SLC45A1: variants seen among roughly 807,000 people sequenced by gnomAD.
SLC45A1 encodes the protein solute carrier family 45 member 1.
A neutral mutation model predicts 57.6 loss-of-function variants in SLC45A1; 28 were observed. That is an observed-to-expected ratio of 0.49 (90% CI 0.36 to 0.67). SLC45A1 has a LOEUF of 0.67. SLC45A1 is among the 30% of genes least tolerant of loss of function. The probability of loss-of-function intolerance (pLI) is 0.00; values close to 1 mark genes in which losing one functional copy is unlikely to be tolerated. For synonymous variants in SLC45A1, 459 were observed against 471.5 expected (o/e 0.97, Z 0.34); for missense variants, 814 against 1,041.5 (o/e 0.78, Z 3.01).
chr1:8,326,681 A>G lies in SLC45A1; in HGVS notation c.715+639A>G, dbSNP rs1442728329. On this transcript the variant is annotated intron_variant, in intron 4 of 8. Coordinates refer to ENST00000471889, the MANE Select transcript of SLC45A1 (RefSeq NM_001080397.3). This position sits in a 1 kb window ranked among gnomAD's most constrained non-coding sequence, Gnocchi z 5.5. ...AAAGGTGGCACTAAATAGACCACAC[A>G]AAAAACTCTTGTTTCGGCCAGGCAC... 6.6e-6 allele frequency among the ~76,000 whole-genome samples: 1 copy of G among 152,228 alleles called. No individual in the cohort carries two copies.
chr1:8,340,904 G>C (rs967965209), intron 8 of SLC45A1, among the ~76,000 whole-genome samples: 6 of 152,082 alleles, frequency 3.9e-5, no homozygotes, highest in African/African-American at 1.4e-4. Context: ...TTAAGAGTAA[G>C]AGAGGGGTCC....
chr1:8,328,994 G>A lies in SLC45A1; in HGVS notation c.716-1215G>A, dbSNP rs1280946236. Among the ~76,000 whole-genome samples, 2 of 152,196 alleles carry A rather than the reference G, an allele frequency of 1.3e-5. No individual in the cohort carries two copies. Among genetic ancestry groups the A allele is most frequent in the Non-Finnish European group, 2.9e-5 (2 of 68,034 alleles). ...GAATAATAAAATGCCTGGGAGGGCA[G>A]TGGGGAGGCAAAAAGACTCCCAAGT... On this transcript the variant is annotated intron_variant, in intron 4 of 8. Coordinates refer to ENST00000471889, the MANE Select transcript of SLC45A1 (RefSeq NM_001080397.3). The surrounding 1 kb of genome is among the most constrained non-coding windows in gnomAD (Gnocchi z 4.6).
Position 8,324,497 on chromosome 1 carries a change from T to C in SLC45A1, c.168T>C (p.Ile56=). 1.9e-6 allele frequency: 3 copies of C among 1,612,218 alleles called. No homozygotes were observed. Among genetic ancestry groups the C allele is most frequent in the Non-Finnish European group, 2.5e-6 (3 of 1,179,720 alleles). ...GACACCCCAAGAGGAGGAAGTGCAT[T>C]CGTCCCTCCCCACCCCCGCCCCCCA... ...FKRHPKRRKC[I]RPSPPPPPNT... is the part of the protein sequence containing the mutation. The change falls in exon 2 of 9, where the codon ATT becomes ATC. Residue 56 remains isoleucine, a synonymous_variant. Transcript: ENST00000471889.
chr1:8,323,866 GT>G (rs1640110087), intron 1 of SLC45A1, among the ~76,000 whole-genome samples: 1 of 152,186 alleles, frequency 6.6e-6, no homozygotes, highest in African/African-American at 2.4e-5. Flanking sequence ...TGCCGGGGGG[GT>G]GGTTCCTAAC....
At chr1:8,323,476 G>A (rs1042920058) in intron 1 of SLC45A1, among the ~76,000 whole-genome samples, 3 of 129,774 alleles carry the variant, frequency 2.3e-5, no homozygotes, top group Non-Finnish European at 4.8e-5. Context: ...GGGCGACAGA[G>A]CAAGACTCTG....
intron 1 of SLC45A1, among the ~76,000 whole-genome samples, chr1:8,323,629 T>C (rs1038307669): frequency 6.7e-6 from 1 of 149,190 alleles, no homozygotes; most frequent in Admixed American, 6.8e-5. Context: ...AAAGAAAGCA[T>C]TTTCGAACAC....
At chr1:8,323,098 G>T (rs1398962429) in intron 1 of SLC45A1, among the ~76,000 whole-genome samples, 1 of 152,206 alleles carries the variant, frequency 6.6e-6, no homozygotes, top group Non-Finnish European at 1.5e-5. Context: ...CCCCAGCTGG[G>T]CAGAGGACAG....
chr1:8,325,509 C>T lies in SLC45A1; in HGVS notation c.490+119C>T, dbSNP rs771693077. ...GCAGTTACCCAGATAGCTCTGGGCC[C>T]GCACTGGTGTGAGGCAGGGAGTGCC... On this transcript the variant is annotated intron_variant, in intron 3 of 8. Coordinates refer to ENST00000471889, the MANE Select transcript of SLC45A1 (RefSeq NM_001080397.3). This position sits in a 1 kb window ranked among gnomAD's most constrained non-coding sequence, Gnocchi z 6.3. 2.2e-5 allele frequency: 16 copies of T among 733,106 alleles called. No individual in the cohort carries two copies. Among genetic ancestry groups the T allele is most frequent in the African/African-American group, 7.1e-5 (4 of 55,992 alleles). The allele number at this position is 733,106 out of a possible 1,614,324, so 45.4% of individuals were successfully genotyped here.
intron 8 of SLC45A1, among the ~76,000 whole-genome samples, chr1:8,341,453 T>C (rs1206587785): frequency 6.9e-6 from 1 of 145,252 alleles, no homozygotes; most frequent in Non-Finnish European, 1.5e-5. Context: ...GAGAATGGCG[T>C]GAATCTGGGA....
At position 8,324,543 on chromosome 1, in the gene SLC45A1, CTGG is replaced by C. The variant is rs1454010597; in HGVS notation, c.218_220del (p.Val73del). ...CCCCAACACCCCGTGCCCGCTTGAG[CTGG>C]TGGACTTCGGGGACCTGCACCCCCA... is the stretch of plus-strand genomic sequence containing the variant. On this transcript the variant is annotated inframe_deletion, in exon 2 of 9. Transcript: ENST00000471889. The C allele has an allele frequency of 6.2e-7, 1 of 1,605,984 alleles. No homozygotes were observed. The highest frequency in any genetic ancestry group is 1.1e-5 in the South Asian group (1 of 90,770).
chr1:8,322,547 G>A (rs12132135), intron 1 of SLC45A1, among the ~76,000 whole-genome samples: 108,949 of 151,428 alleles, frequency 0.72, 40,154 homozygotes, highest in East Asian at 0.81. Context: ...CTGAGTGGGT[G>A]GGGTGGTGGA....
chr1:8,319,919 T>C (rs60320436), intron 1 of SLC45A1, among the ~76,000 whole-genome samples: 2,100 of 152,246 alleles, frequency 0.014, 62 homozygotes, highest in African/African-American at 0.048. Context: ...GGTTTCTCCA[T>C]GTTGGCCAGG....
At chr1:8,321,951 G>A (rs1640021225) in intron 1 of SLC45A1, among the ~76,000 whole-genome samples, 2 of 129,648 alleles carry the variant, frequency 1.5e-5, no homozygotes, top group African/African-American at 2.9e-5. Flanking sequence ...ACGTGGATGG[G>A]TGGGCAAGTG....
chr1:8,330,040 C>T lies in SLC45A1; in HGVS notation c.716-169C>T. On this transcript the variant is annotated intron_variant, in intron 4 of 8. Transcript: ENST00000471889. The surrounding 1 kb of genome is among the most constrained non-coding windows in gnomAD (Gnocchi z 8.4). ...ACAGGAGGGGGACCTCCTCAAGGGGCCCGCCCTGGGAATCCTGTCCCATTT... is the reference window on the plus strand; with the variant it reads ...ACAGGAGGGGGACCTCCTCAAGGGGTCCGCCCTGGGAATCCTGTCCCATTT... 1 of 818,664 alleles carries T rather than the reference C, an allele frequency of 1.2e-6. No homozygotes were observed. The highest frequency in any genetic ancestry group is 1.9e-6 in the Non-Finnish European group (1 of 528,014). 50.7% of individuals were successfully genotyped at this position (818,664 alleles called of 1,614,324 possible). A position where few individuals can be genotyped will look rare whatever the true frequency, so the allele number is the denominator to read the frequency against.
Position 8,335,628 on chromosome 1 carries a change from C to A in SLC45A1, c.1597+38C>A. 6.5e-7 allele frequency: 1 copy of A among 1,546,152 alleles called. No individual in the cohort carries two copies. Among genetic ancestry groups the A allele is most frequent in the African/African-American group, 1.4e-5 (1 of 72,896 alleles). ...CCAAGCCTCCCCGTGAGTCCTGGTC[C>A]TGCTCAGGGCTCTCGCCCCACTGGC... On this transcript the variant is annotated intron_variant, in intron 6 of 8. Coordinates refer to ENST00000471889, the MANE Select transcript of SLC45A1 (RefSeq NM_001080397.3). The surrounding 1 kb of genome is among the most constrained non-coding windows in gnomAD (Gnocchi z 4.1).
Position 8,327,626 on chromosome 1 carries a change from T to C in SLC45A1, c.715+1584T>C, listed in dbSNP as rs1216688386. Reference sequence around the variant, plus strand: ...GTTTGAAACCAGCTTGGGTGAACAGTGAGACCCCATCTCTAAAAACATAAG... The same window carrying C: ...GTTTGAAACCAGCTTGGGTGAACAGCGAGACCCCATCTCTAAAAACATAAG... On this transcript the variant is annotated intron_variant, in intron 4 of 8. Transcript: ENST00000471889. This position sits in a 1 kb window ranked among gnomAD's most constrained non-coding sequence, Gnocchi z 4.3. 1.3e-5 allele frequency among the ~76,000 whole-genome samples: 2 copies of C among 152,190 alleles called. No individual in the cohort carries two copies. Among genetic ancestry groups the C allele is most frequent in the African/African-American group, 4.8e-5 (2 of 41,448 alleles).
In SLC45A1 at chr1:8,343,435, A is replaced by T. The variant is rs756442681; in HGVS notation, c.1981-312A>T. 6.6e-6 allele frequency among the ~76,000 whole-genome samples: 1 copy of T among 152,052 alleles called. No homozygotes were observed. Among genetic ancestry groups the T allele is most frequent in the Non-Finnish European group, 1.5e-5 (1 of 67,986 alleles). On this transcript the variant is annotated intron_variant, in intron 8 of 8. Coordinates refer to ENST00000471889, the MANE Select transcript of SLC45A1 (RefSeq NM_001080397.3). The surrounding 1 kb of genome is among the most constrained non-coding windows in gnomAD (Gnocchi z 7.7). ...GTGGAGCGGTCGCCTGGCTGGGCAGATTGGTTTTCTTTGGGTGAGAGGATG... is the reference window on the plus strand; with the variant it reads ...GTGGAGCGGTCGCCTGGCTGGGCAGTTTGGTTTTCTTTGGGTGAGAGGATG...
In SLC45A1 at chr1:8,326,440, T is replaced by C. The variant is rs1261744867; in HGVS notation, c.715+398T>C. Reference sequence around the variant, plus strand: ...CGGATCAACACATAACCTTGTTGTATGTGTTTCTGTTTAAAACCCCTTATT... The same window carrying C: ...CGGATCAACACATAACCTTGTTGTACGTGTTTCTGTTTAAAACCCCTTATT... On this transcript the variant is annotated intron_variant, in intron 4 of 8. Coordinates refer to ENST00000471889, the MANE Select transcript of SLC45A1 (RefSeq NM_001080397.3). This position sits in a 1 kb window ranked among gnomAD's most constrained non-coding sequence, Gnocchi z 5.5. Among the ~76,000 whole-genome samples the C allele has an allele frequency of 6.6e-6, 1 of 152,230 alleles. No homozygotes were observed. Among genetic ancestry groups the C allele is most frequent in the African/African-American group, 2.4e-5 (1 of 41,462 alleles).
At chr1:8,322,025 G>A (rs111214204) in intron 1 of SLC45A1, among the ~76,000 whole-genome samples, 1 of 117,340 alleles carries the variant, frequency 8.5e-6, no homozygotes, top group Non-Finnish European at 1.8e-5. Context: ...ATGGATGGAT[G>A]GATGGGTGAG....
Sources: allele counts gnomAD v4.1 joint callset (sites outside exome capture counted in the v4.1 genomes callset), GRCh38; gene constraint gnomAD v4.1.1; non-coding constraint Gnocchi (gnomAD v3.1); transcripts MANE v1.5; gene names NCBI Gene and HGNC (gene_info 2026-07-23, HGNC 2026-07-21).